The following ANKS1B variants were observed in gnomAD, a reference collection of about 807,000 sequenced individuals.
ANKS1B encodes ankyrin repeat and sterile alpha motif domain-containing protein 1B.
Under a neutral mutation model 148.3 loss-of-function variants are expected in ANKS1B, and 36 were observed. That is an observed-to-expected ratio of 0.24 (90% CI 0.19 to 0.32). The LOEUF (loss-of-function observed/expected upper bound fraction) is 0.32, where lower values mean the gene tolerates loss of function less well. Among genes scored for constraint, ANKS1B ranks in the 10% least tolerant of loss-of-function variants. The probability of loss-of-function intolerance (pLI) is 1.00; values close to 1 mark genes in which losing one functional copy is unlikely to be tolerated. For synonymous variants in ANKS1B, 542 were observed against 560.8 expected, an observed-to-expected ratio of 0.97 and a Z score of 0.47; for missense variants, 1,157 against 1,542.6, an observed-to-expected ratio of 0.75 and a Z score of 4.19.
chr12:99,066,613 C>T (rs1326110454), intron 16 of ANKS1B, among the ~76,000 whole-genome samples: 2 of 152,154 alleles, frequency 1.3e-5, no homozygotes. Context: ...ATCTGGCTTA[C>T]ATTTCAGCAG....
At position 99,670,429 on chromosome 12, in the gene ANKS1B, G is replaced by T. The variant is rs74540751; in HGVS notation, c.1129-15219C>A. Among the ~76,000 whole-genome samples the T allele has an allele frequency of 6.6e-3, 1,001 of 152,152 alleles. 12 individuals carry two copies. The highest frequency in any genetic ancestry group is 0.023 in the African/African-American group (935 of 41,510). On this transcript the variant is annotated intron_variant, in intron 8 of 26. Coordinates refer to ENST00000683438, the MANE Select transcript of ANKS1B (RefSeq NM_001352186.2). ...TTTACAACCAACCTGAACTTCCTGT[G>T]TGCATAATTTCATTGCTACTTAACT... is the stretch of plus-strand genomic sequence containing the variant.
chr12:99,422,036 G>A (rs1299134663), intron 11 of ANKS1B, among the ~76,000 whole-genome samples: 3 of 152,192 alleles, frequency 2.0e-5, no homozygotes, highest in Non-Finnish European at 4.4e-5. Context: ...CAAGTAGACG[G>A]TGGAGCCATG....
intron 1 of ANKS1B, among the ~76,000 whole-genome samples, chr12:99,836,071 T>C (rs541971415): frequency 1.3e-5 from 2 of 152,288 alleles, no homozygotes; most frequent in African/African-American, 4.8e-5. Context: ...ATATACACTA[T>C]AAAGCTTAAA....
chr12:98,968,461 A>C (rs1249177780), intron 17 of ANKS1B, among the ~76,000 whole-genome samples: 2 of 142,770 alleles, frequency 1.4e-5, no homozygotes, highest in Non-Finnish European at 2.9e-5. Flanking sequence ...TACCAGACCA[A>C]AAAAACAAAC....
At chr12:99,559,885 T>C (rs2097314757) in intron 9 of ANKS1B, among the ~76,000 whole-genome samples, 1 of 152,098 alleles carries the variant, frequency 6.6e-6, no homozygotes, top group African/African-American at 2.4e-5. Context: ...AAAAAATGCA[T>C]AAGAAAAAAA....
At chr12:99,982,874 A>G (rs1429263148) in intron 1 of ANKS1B, among the ~76,000 whole-genome samples, 3 of 152,134 alleles carry the variant, frequency 2.0e-5, no homozygotes, top group Non-Finnish European at 2.9e-5. Context: ...CTATTTTTCA[A>G]CTCAATTTAT....
At chr12:99,467,297 A>G (rs991193739) in intron 10 of ANKS1B, among the ~76,000 whole-genome samples, 1 of 152,184 alleles carries the variant, frequency 6.6e-6, no homozygotes, top group Non-Finnish European at 1.5e-5. Context: ...TCGCAAAATA[A>G]TAAGAGCTAA....
Position 98,735,437 on chromosome 12 carries a change from T to G in ANKS1B, c.*123A>C, listed in dbSNP as rs1196865330. 11 of 435,434 alleles carry G rather than the reference T, an allele frequency of 2.5e-5. 1 individual carries two copies. Among genetic ancestry groups the G allele is most frequent in the Non-Finnish European group, 4.6e-5 (11 of 240,264 alleles). The allele number at this position is 435,434 out of a possible 1,614,324, so 27.0% of individuals were successfully genotyped here. ...CACAAAATTGTTTTGAAAAACATTT[T>G]TGGATTGTTTCATTCTTTGCTTGTC... is the stretch of plus-strand genomic sequence containing the variant. On this transcript the variant is annotated 3_prime_UTR_variant, in exon 10 of 10. Transcript: ENST00000341752.
At chr12:98,872,048 G>A (rs1454956579) in intron 17 of ANKS1B, among the ~76,000 whole-genome samples, 2 of 152,028 alleles carry the variant, frequency 1.3e-5, no homozygotes, top group Admixed American at 6.6e-5. Flanking sequence ...TAGTTTTCTG[G>A]GCAGATAAGA....
intron 10 of ANKS1B, among the ~76,000 whole-genome samples, chr12:99,501,157 G>A (rs2096651739): frequency 6.6e-6 from 1 of 151,630 alleles, no homozygotes; most frequent in Non-Finnish European, 1.5e-5. Flanking sequence ...AATATCTTCA[G>A]GCTCACTTTT....
intron 15 of ANKS1B, among the ~76,000 whole-genome samples, chr12:99,090,003 C>G (rs917701461): frequency 6.6e-6 from 1 of 152,164 alleles, no homozygotes; most frequent in Non-Finnish European, 1.5e-5. Context: ...CTTTATTGAT[C>G]TCTTAAATCA....
chr12:99,732,237 G>A (rs1317434454), intron 8 of ANKS1B, among the ~76,000 whole-genome samples: 1 of 152,146 alleles, frequency 6.6e-6, no homozygotes, highest in East Asian at 1.9e-4. Flanking sequence ...TTGGAAAGCA[G>A]TTTGGCAATT....
chr12:99,294,061 C>G (rs917095820), intron 12 of ANKS1B, among the ~76,000 whole-genome samples: 1 of 152,070 alleles, frequency 6.6e-6, no homozygotes, highest in Non-Finnish European at 1.5e-5. Flanking sequence ...AAAGGGAACC[C>G]TCGTAAACTG....
At chr12:99,648,363 C>T (rs1417031076) in intron 9 of ANKS1B, 3 of 1,614,210 alleles carry the variant, frequency 1.9e-6, no homozygotes, top group Non-Finnish European at 8.5e-7. Context: ...TTGACGTGCA[C>T]AACCGTGCCC....
At chr12:99,750,607 A>G (rs1339646625) in intron 8 of ANKS1B, among the ~76,000 whole-genome samples, 1 of 152,076 alleles carries the variant, frequency 6.6e-6, no homozygotes, top group Non-Finnish European at 1.5e-5. Context: ...TGGGACAGCC[A>G]TGTGATTGTA....
rs188075908 is a variant in ANKS1B at position 99,882,374 on chromosome 12, A to G, written c.135-56985T>C. On this transcript the variant is annotated intron_variant, in intron 1 of 26. Transcript: ENST00000683438. ...ACAATGTAATTGCTAAAAACTGACCAAATTTGCCAAATGACATAAACCCAG... is the reference window on the plus strand; with the variant it reads ...ACAATGTAATTGCTAAAAACTGACCGAATTTGCCAAATGACATAAACCCAG... Among the ~76,000 whole-genome samples, 4 of 152,348 alleles carry G rather than the reference A, an allele frequency of 2.6e-5. No homozygotes were observed. In the South Asian group the frequency reaches 8.3e-4, roughly 32 times the overall value.
rs568068200 is a variant in ANKS1B, at chr12:99,705,974, G to A, written c.1129-50764C>T. Among the ~76,000 whole-genome samples, 9 of 152,216 alleles carry A rather than the reference G, an allele frequency of 5.9e-5. 1 individual carries two copies. In the South Asian group the frequency reaches 1.9e-3, roughly 32 times the overall value. On this transcript the variant is annotated intron_variant, in intron 8 of 26. Coordinates refer to ENST00000683438, the MANE Select transcript of ANKS1B (RefSeq NM_001352186.2). Reference sequence around the variant, plus strand: ...CCTAGGGGAAATAAAACATTGTAATGGAAAGGAAGAGGAATCAGGGTTTAG... The same window carrying A: ...CCTAGGGGAAATAAAACATTGTAATAGAAAGGAAGAGGAATCAGGGTTTAG...
At chr12:98,865,962 G>T (rs2099622343) in intron 17 of ANKS1B, among the ~76,000 whole-genome samples, 1 of 152,108 alleles carries the variant, frequency 6.6e-6, no homozygotes, top group African/African-American at 2.4e-5. Flanking sequence ...CCTAATAGAT[G>T]GCCGTCTTCT....
chr12:99,720,179 C>G (rs138561312), intron 8 of ANKS1B, among the ~76,000 whole-genome samples: 16 of 152,180 alleles, frequency 1.1e-4, no homozygotes, highest in Admixed American at 9.8e-4. Context: ...ATTCTACTAC[C>G]CTTCAGGGAT....
Sources: allele counts gnomAD v4.1 joint callset (sites outside exome capture counted in the v4.1 genomes callset), GRCh38; gene constraint gnomAD v4.1.1; transcripts MANE v1.5; gene names NCBI Gene and HGNC (gene_info 2026-07-23, HGNC 2026-07-21).